The following CDYL2 variants were observed in gnomAD, a reference collection of about 807,000 sequenced individuals.
The protein encoded by CDYL2 is chromodomain Y like 2.
CDYL2 carries 23 observed loss-of-function variants against 49.4 expected under a neutral mutation model. That is an observed-to-expected ratio of 0.47 (90% CI 0.34 to 0.66). The LOEUF is 0.66. Among genes scored for constraint, CDYL2 ranks in the 30% least tolerant of loss-of-function variants. The pLI is 0.01. For missense variants in CDYL2, 678 were observed against 656.4 expected (o/e 1.03, Z -0.36); for synonymous variants, 360 against 268.8 (o/e 1.34, Z -3.32).
chr16:80,633,100 G>C lies in CDYL2; in HGVS notation c.753C>G (p.Asp251Glu). 3 of 1,614,162 alleles carry C rather than the reference G, an allele frequency of 1.9e-6. No homozygotes were observed. The highest frequency in any genetic ancestry group is 2.5e-6 in the Non-Finnish European group (3 of 1,180,026). ...RQNESNCRFRDIVVRKEEGFT... is the reference protein window; with the variant it reads ...RQNESNCRFREIVVRKEEGFT... ...ACCCTTCTTCCTTCCGCACAACGATGTCTCGAAACCGACAGTTGCTTTCAT... is the reference window on the plus strand; with the variant it reads ...ACCCTTCTTCCTTCCGCACAACGATCTCTCGAAACCGACAGTTGCTTTCAT... The change falls in exon 3 of 7, where the codon GAC (aspartate) becomes GAG (glutamate). Residue 251 changes from aspartate (D) to glutamate (E), a missense_variant. Asp to Glu is a conservative substitution (Grantham distance 45). This residue lies in a region of CDYL2 where 478 missense variants were observed against 427.0 expected (regional missense o/e 1.12). Coordinates refer to ENST00000570137, the MANE Select transcript of CDYL2 (RefSeq NM_152342.4).
chr16:80,688,940 C>T (rs955826956), intron 1 of CDYL2, among the ~76,000 whole-genome samples: 2 of 152,150 alleles, frequency 1.3e-5, no homozygotes, highest in Non-Finnish European at 2.9e-5. Flanking sequence ...AGAGCTGGTA[C>T]CCCTGGTCCT....
At chr16:80,691,717 G>T (rs1185345727) in intron 1 of CDYL2, among the ~76,000 whole-genome samples, 1 of 152,112 alleles carries the variant, frequency 6.6e-6, no homozygotes. Context: ...GTATATTTTT[G>T]AATAGTATTT....
chr16:80,726,610 T>A (rs1026389429), intron 1 of CDYL2, among the ~76,000 whole-genome samples: 4 of 152,058 alleles, frequency 2.6e-5, no homozygotes, highest in South Asian at 2.1e-4. Flanking sequence ...AAGAAAGAGA[T>A]GAATAATACC....
intron 1 of CDYL2, among the ~76,000 whole-genome samples, chr16:80,766,718 T>C (rs1176144516): frequency 2.0e-5 from 3 of 152,208 alleles, no homozygotes; most frequent in African/African-American, 7.2e-5. Flanking sequence ...TATATCTAAC[T>C]GCCAATTCTA....
At chr16:80,617,140 C>T (rs1024703005) in intron 4 of CDYL2, among the ~76,000 whole-genome samples, 3 of 152,246 alleles carry the variant, frequency 2.0e-5, no homozygotes, top group Admixed American at 2.0e-4. Context: ...TGAGCTCTCC[C>T]CAAATCTGCT....
At chr16:80,656,392 G>T (rs559099469) in intron 2 of CDYL2, among the ~76,000 whole-genome samples, 1 of 152,346 alleles carries the variant, frequency 6.6e-6, no homozygotes, top group African/African-American at 2.4e-5. Context: ...ACGTCCAGTC[G>T]GGGGCACTGC....
chr16:80,679,372 T>C (rs1488150593), intron 2 of CDYL2, among the ~76,000 whole-genome samples: 1 of 152,180 alleles, frequency 6.6e-6, no homozygotes, highest in Non-Finnish European at 1.5e-5. Context: ...AAAATGTCTC[T>C]GTCAGTAATC....
At chr16:80,629,433 C>G (rs9932584) in intron 3 of CDYL2, among the ~76,000 whole-genome samples, 11,385 of 152,130 alleles carry the variant, frequency 0.075, 1,309 homozygotes, top group African/African-American at 0.25. Context: ...ACGACAAGAG[C>G]GGTGTGAAAA....
intron 2 of CDYL2, among the ~76,000 whole-genome samples, chr16:80,646,142 TA>T (rs1054972688): frequency 6.7e-6 from 1 of 149,286 alleles, no homozygotes; most frequent in Non-Finnish European, 1.5e-5. Flanking sequence ...AAAGTATAAT[TA>T]AAAAAAAACA....
Position 80,676,344 on chromosome 16 carries a change from T to C in CDYL2, c.616+8194A>G, listed in dbSNP as rs562337880. Reference sequence around the variant, plus strand: ...GAAAGTGTGTTGGCCTGGGGGTGGGTACTTGAAGTGGGTCAGGAAGAACAG... The same window carrying C: ...GAAAGTGTGTTGGCCTGGGGGTGGGCACTTGAAGTGGGTCAGGAAGAACAG... On this transcript the variant is annotated intron_variant, in intron 2 of 6. Transcript: ENST00000570137. Among the ~76,000 whole-genome samples, 6 of 152,298 alleles carry C rather than the reference T, an allele frequency of 3.9e-5. No homozygotes were observed. In the South Asian group the frequency reaches 6.2e-4, roughly 16 times the overall value.
intron 1 of CDYL2, among the ~76,000 whole-genome samples, chr16:80,708,762 T>G (rs1904489246): frequency 6.6e-6 from 1 of 152,198 alleles, no homozygotes; most frequent in Non-Finnish European, 1.5e-5. Flanking sequence ...TTTTTTTTTG[T>G]ACTTATATGT....
intron 1 of CDYL2, among the ~76,000 whole-genome samples, chr16:80,789,933 T>G (rs1269171244): frequency 1.3e-5 from 2 of 152,068 alleles, no homozygotes; most frequent in Non-Finnish European, 2.9e-5. Flanking sequence ...GTGAGGGGGA[T>G]GAGGGTTGAA....
intron 1 of CDYL2, among the ~76,000 whole-genome samples, chr16:80,774,634 G>T (rs58837056): frequency 0.086 from 13,009 of 152,040 alleles, 951 homozygotes; most frequent in African/African-American, 0.2. Context: ...TATGTATATA[G>T]AGATCAAGAC....
chr16:80,711,767 A>C (rs747659086), intron 1 of CDYL2, among the ~76,000 whole-genome samples: 7 of 152,128 alleles, frequency 4.6e-5, no homozygotes, highest in Non-Finnish European at 1.0e-4. Context: ...AATCTGAAGC[A>C]TAGTGTTTCA....
chr16:80,661,607 G>A (rs767983790), intron 2 of CDYL2, among the ~76,000 whole-genome samples: 2 of 152,276 alleles, frequency 1.3e-5, no homozygotes, highest in African/African-American at 2.4e-5. Flanking sequence ...TGCTGGATTC[G>A]AGCATCAAGA....
chr16:80,804,132 GC>G lies in CDYL2; in HGVS notation c.24+17del. 7 of 1,170,568 alleles carry G rather than the reference GC, an allele frequency of 6.0e-6. No individual in the cohort carries two copies. The highest frequency in any genetic ancestry group is 1.9e-5 in the South Asian group (1 of 52,682). The allele number at this position is 1,170,568 out of a possible 1,614,324, so 72.5% of individuals were successfully genotyped here. ...CGCCCGCTGACTGGGGCCGGCCCGC[GC>G]CCCCGCGTCCCCGTACCTCGTAAAG... On this transcript the variant is annotated intron_variant, in intron 1 of 6. Coordinates refer to ENST00000570137, the MANE Select transcript of CDYL2 (RefSeq NM_152342.4).
At chr16:80,676,209 C>G (rs914829401) in intron 2 of CDYL2, among the ~76,000 whole-genome samples, 1 of 152,210 alleles carries the variant, frequency 6.6e-6, no homozygotes, top group Admixed American at 6.5e-5. Flanking sequence ...TTCATTAGCA[C>G]ACCTTCCTTA....
intron 2 of CDYL2, chr16:80,639,632 A>T (rs752483170): frequency 2.2e-6 from 1 of 452,726 alleles, no homozygotes; most frequent in South Asian, 1.6e-5. Context: ...ACAAAAAAAA[A>T]TACCTTCATA....
intron 4 of CDYL2, among the ~76,000 whole-genome samples, chr16:80,617,976 T>C (rs1460799934): frequency 6.6e-6 from 1 of 152,150 alleles, no homozygotes; most frequent in African/African-American, 2.4e-5. Flanking sequence ...CCTGGGGGTG[T>C]TGCCAAGCAT....
Sources: gnomAD v4.1 joint callset for allele counts (sites outside exome capture counted in the v4.1 genomes callset) on GRCh38, gnomAD v4.1.1 for gene constraint, gnomAD v4.1.1 regional missense constraint, MANE v1.5 for transcripts, NCBI Gene and HGNC (gene_info 2026-07-23, HGNC 2026-07-21) for gene names.